The following CCDC38 variants were observed in gnomAD, a reference collection of about 807,000 sequenced individuals.
CCDC38 encodes coiled-coil domain containing 38.
A neutral mutation model predicts 72.8 loss-of-function variants in CCDC38; 69 were observed. The observed-to-expected ratio is 0.95, with a 90% CI of 0.78 to 1.16. The LOEUF (loss-of-function observed/expected upper bound fraction) is 1.16. Among genes scored for constraint, CCDC38 ranks in the 50% most tolerant of loss-of-function variants. CCDC38 has a pLI of 0.00. For missense variants in CCDC38, 626 were observed against 638.9 expected (o/e 0.98, Z 0.22); for synonymous variants, 201 against 213.2 (o/e 0.94, Z 0.50).
intron 2 of CCDC38, among the ~76,000 whole-genome samples, chr12:95,935,760 T>C (rs530935232): frequency 1.3e-5 from 2 of 152,306 alleles, no homozygotes; most frequent in African/African-American, 4.8e-5. Flanking sequence ...TACCAATAAA[T>C]ACTAATTCCT....
At chr12:95,903,370 G>A (rs529305588) in intron 5 of CCDC38, 34 of 691,474 alleles carry the variant, frequency 4.9e-5, no homozygotes, top group Non-Finnish European at 8.4e-5. Flanking sequence ...CAATCTAAAT[G>A]TCTTTCATTT....
Position 95,878,230 on chromosome 12 carries a change from T to G in CCDC38, c.1259A>C (p.Glu420Ala). 1 of 1,613,420 alleles carries G rather than the reference T, an allele frequency of 6.2e-7. No homozygotes were observed. Among genetic ancestry groups the G allele is most frequent in the Non-Finnish European group, 8.5e-7 (1 of 1,179,764 alleles). The change falls in exon 13 of 16, where the codon GAA (glutamate) becomes GCA (alanine). Residue 420 changes from glutamate (E) to alanine (A), a missense_variant. Glu to Ala is a moderately radical substitution (Grantham distance 107, BLOSUM62 -1). Coordinates refer to ENST00000344280, the MANE Select transcript of CCDC38 (RefSeq NM_182496.3). The stretch of plus-strand genomic sequence containing the variant: ...ATTTACCTGAGCATCTGAATTAAAT[T>G]CTCCAAAGCTAAAGAGCTTGGACTT... ...QLKSKLFSFG[E>A]FNSDAQEILI...
intron 1 of CCDC38, among the ~76,000 whole-genome samples, chr12:95,941,660 AT>A (rs2080452134): frequency 6.6e-6 from 1 of 152,238 alleles, no homozygotes; most frequent in Non-Finnish European, 1.5e-5. Flanking sequence ...TTCAGCAGAA[AT>A]TTTATAATAG....
At chr12:95,909,430 G>A (rs1240442412) in intron 4 of CCDC38, among the ~76,000 whole-genome samples, 1 of 152,018 alleles carries the variant, frequency 6.6e-6, no homozygotes, top group East Asian at 1.9e-4. Flanking sequence ...ACCAAATAAA[G>A]CCCTGGACCA....
chr12:95,926,500 A>G (rs1353819701), intron 2 of CCDC38, among the ~76,000 whole-genome samples: 5 of 151,740 alleles, frequency 3.3e-5, no homozygotes, highest in Non-Finnish European at 5.9e-5. Flanking sequence ...CAGCTCCTGG[A>G]TTTATTAATT....
At chr12:95,919,718 C>T (rs2136722185) in intron 2 of CCDC38, 1 of 427,344 alleles carries the variant, frequency 2.3e-6, no homozygotes, top group African/African-American at 2.0e-5. Flanking sequence ...CACCATTATA[C>T]ATATACCACC....
intron 5 of CCDC38, chr12:95,903,494 T>C (rs1404842456): frequency 1.4e-6 from 1 of 699,612 alleles, no homozygotes; most frequent in Middle Eastern, 2.6e-4. Flanking sequence ...TTCAGTCTTT[T>C]ACCATTAGAT....
intron 7 of CCDC38, among the ~76,000 whole-genome samples, chr12:95,895,399 CTTGT>C (rs1237941012): frequency 3.2e-5 from 4 of 123,124 alleles, no homozygotes; most frequent in African/African-American, 7.2e-5. Flanking sequence ...TTTTACTCGA[CTTGT>C]TTATTATTCT....
chr12:95,928,893 C>T (rs866642840), intron 2 of CCDC38, among the ~76,000 whole-genome samples: 8 of 152,204 alleles, frequency 5.3e-5, no homozygotes, highest in Non-Finnish European at 1.2e-4. Context: ...GCAGTCTGCC[C>T]GTTCTCAGAT....
intron 2 of CCDC38, among the ~76,000 whole-genome samples, chr12:95,920,304 T>C (rs1465864926): frequency 6.6e-6 from 1 of 152,210 alleles, no homozygotes; most frequent in Non-Finnish European, 1.5e-5. Context: ...CCTGCCACCA[T>C]ATAAGACGTG....
chr12:95,906,254 C>G (rs1365415934), intron 5 of CCDC38, 133 bp downstream of exon 5: 20 of 636,124 alleles, frequency 3.1e-5, no homozygotes, highest in Non-Finnish European at 5.3e-5. Flanking sequence ...TTAATGAACA[C>G]GTGAAAAAAC....
intron 8 of CCDC38, among the ~76,000 whole-genome samples, chr12:95,893,867 A>C (rs916862387): frequency 6.6e-6 from 1 of 151,940 alleles, no homozygotes; most frequent in African/African-American, 2.4e-5. Context: ...ATATATAAGT[A>C]AATAACATAT....
intron 5 of CCDC38, among the ~76,000 whole-genome samples, chr12:95,901,836 G>A: frequency 6.6e-6 from 1 of 152,182 alleles, no homozygotes; most frequent in Middle Eastern, 3.2e-3. Context: ...AGTGGATTTA[G>A]CAGAGAATAG....
At chr12:95,915,477 A>G (rs932313663) in intron 4 of CCDC38, among the ~76,000 whole-genome samples, 1 of 152,224 alleles carries the variant, frequency 6.6e-6, no homozygotes, top group African/African-American at 2.4e-5. Flanking sequence ...TGTCTCTGAC[A>G]CTTAGTTGTG....
chr12:95,874,870 T>C (rs1295223379), intron 13 of CCDC38, among the ~76,000 whole-genome samples: 1 of 152,216 alleles, frequency 6.6e-6, no homozygotes, highest in Non-Finnish European at 1.5e-5. Context: ...TTGAAAGTCT[T>C]TTCAAACTCA....
At chr12:95,897,817 A>G (rs1435056494) in intron 7 of CCDC38, among the ~76,000 whole-genome samples, 3 of 151,956 alleles carry the variant, frequency 2.0e-5, no homozygotes, top group South Asian at 2.1e-4. Flanking sequence ...ACTTCACTTG[A>G]ACTCCTGGGC....
At chr12:95,886,221 G>A (rs1592762875) in intron 10 of CCDC38, among the ~76,000 whole-genome samples, 1 of 152,262 alleles carries the variant, frequency 6.6e-6, no homozygotes, top group East Asian at 1.9e-4. Context: ...AATGAAAGAA[G>A]CCATTTCAAC....
At chr12:95,899,905 G>A (rs2079932936) in intron 5 of CCDC38, among the ~76,000 whole-genome samples, 1 of 152,102 alleles carries the variant, frequency 6.6e-6, no homozygotes, top group Non-Finnish European at 1.5e-5. Context: ...AAGCGGGATG[G>A]GGTGCTGTGG....
chr12:95,873,482 C>G (rs2079603293), intron 13 of CCDC38, among the ~76,000 whole-genome samples: 1 of 152,186 alleles, frequency 6.6e-6, no homozygotes, highest in Admixed American at 6.5e-5. Context: ...CCAAACCTTG[C>G]TGATCCCTGT....
Sources: gnomAD v4.1 joint callset for allele counts (sites outside exome capture counted in the v4.1 genomes callset) on GRCh38, gnomAD v4.1.1 for gene constraint, MANE v1.5 for transcripts, NCBI Gene and HGNC (gene_info 2026-07-23, HGNC 2026-07-21) for gene names.